Variants in ADCY2 observed in about 807,000 individuals in gnomAD.
ADCY2 encodes the protein adenylate cyclase type 2.
In ADCY2, 31 loss-of-function variants were observed where a neutral mutation model predicts 125.2. The ratio of observed to expected loss-of-function variants is 0.25; its 90% CI spans 0.19 to 0.33. The LOEUF (loss-of-function observed/expected upper bound fraction) is 0.33. ADCY2 is among the 10% of genes least tolerant of loss of function. The pLI is 1.00. For synonymous variants in ADCY2, 512 were observed against 548.4 expected, an observed-to-expected ratio of 0.93 and a Z score of 0.93; for missense variants, 904 against 1,418.2, an observed-to-expected ratio of 0.64 and a Z score of 5.82.
chr5:7,518,207 A>G (rs1204358319), intron 2 of ADCY2, among the ~76,000 whole-genome samples: 3 of 152,106 alleles, frequency 2.0e-5, no homozygotes, highest in East Asian at 1.9e-4. Flanking sequence ...ACAGCACACC[A>G]CCAGTGTGTG....
chr5:7,601,654 CA>C (rs1423085384), intron 3 of ADCY2, among the ~76,000 whole-genome samples: 1 of 152,140 alleles, frequency 6.6e-6, no homozygotes, highest in Non-Finnish European at 1.5e-5. Flanking sequence ...CACCATTATC[CA>C]ACACAGAAAC....
chr5:7,574,676 C>T (rs1561103577), intron 3 of ADCY2, among the ~76,000 whole-genome samples: 1 of 152,174 alleles, frequency 6.6e-6, no homozygotes, highest in Non-Finnish European at 1.5e-5. Flanking sequence ...TATACTACCC[C>T]TGACCTTTAA....
chr5:7,701,520 T>C (rs1187010194), intron 7 of ADCY2, among the ~76,000 whole-genome samples: 3 of 152,192 alleles, frequency 2.0e-5, no homozygotes, highest in African/African-American at 7.2e-5. Flanking sequence ...CAGTGATACA[T>C]AAAAATGTAC....
chr5:7,635,798 T>A (rs914767015), intron 4 of ADCY2, among the ~76,000 whole-genome samples: 6 of 152,184 alleles, frequency 3.9e-5, no homozygotes, highest in African/African-American at 1.4e-4. Flanking sequence ...CCCAAGTCAC[T>A]GAGAAAAATC....
At chr5:7,500,270 C>T (rs964556805) in intron 2 of ADCY2, among the ~76,000 whole-genome samples, 1 of 152,206 alleles carries the variant, frequency 6.6e-6, no homozygotes, top group African/African-American at 2.4e-5. Context: ...GAATAGTCAA[C>T]TCTTTCCTGC....
chr5:7,601,967 G>A (rs1165257039), intron 3 of ADCY2, among the ~76,000 whole-genome samples: 1 of 152,168 alleles, frequency 6.6e-6, no homozygotes, highest in East Asian at 1.9e-4. Context: ...CTCTACGGGA[G>A]GATCTTCCCT....
chr5:7,746,970 C>CA (rs11424423), intron 15 of ADCY2, among the ~76,000 whole-genome samples: 54,104 of 115,828 alleles, frequency 0.47, 10,593 homozygotes, highest in Non-Finnish European at 0.53. Context: ...TCAAAATAGG[C>CA]AAAAAAAATG....
chr5:7,465,159 A>G (rs776861921), intron 2 of ADCY2, among the ~76,000 whole-genome samples: 1 of 152,222 alleles, frequency 6.6e-6, no homozygotes, highest in Non-Finnish European at 1.5e-5. Context: ...TATGGGAGCT[A>G]CAATTCAAGA....
chr5:7,666,360 C>A (rs1739726125), intron 4 of ADCY2, among the ~76,000 whole-genome samples: 1 of 151,858 alleles, frequency 6.6e-6, no homozygotes, highest in Non-Finnish European at 1.5e-5. Context: ...GCTCAGCCTC[C>A]CAGGTTCACA....
rs1360486284 is a variant in ADCY2 at position 7,435,911 on chromosome 5, G to C, written c.408+21141G>C. ...AATGGTGGACTTCTGTAGAATGAAG[G>C]CACTGTAAAATTTTAGAAGCCTTCA... On this transcript the variant is annotated intron_variant, in intron 2 of 24. Coordinates refer to ENST00000338316, the MANE Select transcript of ADCY2 (RefSeq NM_020546.3). Among the ~76,000 whole-genome samples the C allele has an allele frequency of 2.0e-5, 3 of 152,250 alleles. No individual in the cohort carries two copies. In the East Asian group the frequency reaches 5.8e-4, roughly 29 times the overall value.
chr5:7,568,208 G>GCCAGTTC (rs1213001685), intron 3 of ADCY2, among the ~76,000 whole-genome samples: 8 of 152,186 alleles, frequency 5.3e-5, no homozygotes, highest in Middle Eastern at 3.4e-3. Context: ...TTATTTCATA[G>GCCAGTTC]CCAGTTCATG....
At chr5:7,589,981 T>C (rs1354366301) in intron 3 of ADCY2, among the ~76,000 whole-genome samples, 2 of 152,168 alleles carry the variant, frequency 1.3e-5, no homozygotes, top group Non-Finnish European at 2.9e-5. Flanking sequence ...CCTGTCTATT[T>C]AGGTGTTAGC....
At chr5:7,557,545 G>A (rs1487448490) in intron 3 of ADCY2, among the ~76,000 whole-genome samples, 2 of 151,874 alleles carry the variant, frequency 1.3e-5, no homozygotes, top group African/African-American at 4.8e-5. Context: ...TCCTCCAATA[G>A]GCCCCAGAGT....
At chr5:7,466,738 T>C (rs1742133422) in intron 2 of ADCY2, among the ~76,000 whole-genome samples, 1 of 152,122 alleles carries the variant, frequency 6.6e-6, no homozygotes, top group South Asian at 2.1e-4. Context: ...AGAGTCCACA[T>C]CATTTCAAAT....
chr5:7,540,064 C>A (rs1207489379), intron 3 of ADCY2, among the ~76,000 whole-genome samples: 1 of 152,130 alleles, frequency 6.6e-6, no homozygotes, highest in Non-Finnish European at 1.5e-5. Context: ...TTATCCTTAG[C>A]AAACTAATGC....
chr5:7,651,904 G>A (rs1477471551), intron 4 of ADCY2, among the ~76,000 whole-genome samples: 2 of 152,130 alleles, frequency 1.3e-5, no homozygotes, highest in Non-Finnish European at 2.9e-5. Context: ...CTGGGTTCAA[G>A]CGATTCTCCT....
At chr5:7,589,524 G>GAA (rs1554022167) in intron 3 of ADCY2, among the ~76,000 whole-genome samples, 6,921 of 65,526 alleles carry the variant, frequency 0.11, 255 homozygotes, top group Non-Finnish European at 0.16. Context: ...AGAAAAGAAA[G>GAA]AGAAAGAAAG....
intron 15 of ADCY2, among the ~76,000 whole-genome samples, chr5:7,752,517 T>A (rs1742859103): frequency 6.6e-6 from 1 of 152,130 alleles, no homozygotes; most frequent in Non-Finnish European, 1.5e-5. Flanking sequence ...AATATGAGCT[T>A]CTACTTCTCT....
chr5:7,445,071 G>T (rs1054755781), intron 2 of ADCY2, among the ~76,000 whole-genome samples: 1 of 152,098 alleles, frequency 6.6e-6, no homozygotes, highest in Non-Finnish European at 1.5e-5. Flanking sequence ...GTGATGTTTT[G>T]CATACAGAAG....
Sources: gnomAD v4.1 joint callset for allele counts (sites outside exome capture counted in the v4.1 genomes callset) on GRCh38, gnomAD v4.1.1 for gene constraint, MANE v1.5 for transcripts, NCBI Gene and HGNC (gene_info 2026-07-23, HGNC 2026-07-21) for gene names.